The following RBFOX2 variants were observed in gnomAD, a reference collection of about 807,000 sequenced individuals.
RBFOX2 encodes the protein RNA binding fox-1 homolog 2.
A neutral mutation model predicts 49.1 loss-of-function variants in RBFOX2; 10 were observed. The observed-to-expected ratio is 0.20, with a 90% confidence interval of 0.13 to 0.35. RBFOX2 has a LOEUF of 0.35. RBFOX2 is among the 10% of genes least tolerant of loss of function. The pLI is 1.00. For synonymous variants in RBFOX2, 183 were observed against 187.4 expected (o/e 0.98, Z 0.19); for missense variants, 323 against 486.9 (o/e 0.66, Z 3.17).
At chr22:35,853,808 A>T (rs1278072179) in intron 1 of RBFOX2, among the ~76,000 whole-genome samples, 1 of 152,064 alleles carries the variant, frequency 6.6e-6, no homozygotes, top group East Asian at 1.9e-4. Flanking sequence ...TACACATTTA[A>T]ATTAGCATTA....
At chr22:35,823,664 A>G (rs1219236988) in intron 1 of RBFOX2, among the ~76,000 whole-genome samples, 1 of 152,234 alleles carries the variant, frequency 6.6e-6, no homozygotes, top group Non-Finnish European at 1.5e-5. Context: ...GAAACGTTAA[A>G]TAACTATTAA....
intron 1 of RBFOX2, among the ~76,000 whole-genome samples, chr22:35,950,109 A>ATTT (rs146393323): frequency 9.3e-6 from 1 of 107,990 alleles, no homozygotes; most frequent in African/African-American, 3.3e-5. Flanking sequence ...GTCCAACTTC[A>ATTT]TTTTTTTTTT....
chr22:35,777,015 AT>A lies in RBFOX2; in HGVS notation c.453+1009del, dbSNP rs757376652. The stretch of plus-strand genomic sequence containing the variant: ...TTTAAAATAGTAAATAGGGGAAATA[AT>A]TTTTTTTTTTTTTTTGAGACAGTCT... On this transcript the variant is annotated intron_variant, in intron 4 of 11. Transcript: ENST00000405409. Among the ~76,000 whole-genome samples, 568 of 143,638 alleles carry A rather than the reference AT, an allele frequency of 4.0e-3. 1 individual carries two copies. The highest frequency in any genetic ancestry group is 0.021 in the South Asian group (93 of 4,488). 94.2% of individuals were successfully genotyped at this position (143,638 alleles called of 152,430 possible).
chr22:35,756,651 A>G (rs909860516), intron 9 of RBFOX2, among the ~76,000 whole-genome samples: 2 of 152,144 alleles, frequency 1.3e-5, no homozygotes, highest in African/African-American at 4.8e-5. Context: ...ACGTTTAAGT[A>G]TTTTGTTTTC....
intron 1 of RBFOX2, among the ~76,000 whole-genome samples, chr22:35,958,974 T>C (rs2055899899): frequency 6.6e-6 from 1 of 151,922 alleles, no homozygotes; most frequent in Non-Finnish European, 1.5e-5. Context: ...TATATATATA[T>C]ATTGTGTAAA....
chr22:36,025,081 T>C (rs1285758015), intron 1 of RBFOX2, among the ~76,000 whole-genome samples: 1 of 152,226 alleles, frequency 6.6e-6, no homozygotes, highest in Non-Finnish European at 1.5e-5. Context: ...GTGCTGGGAT[T>C]ACAGGCGTGA....
upstream of RBFOX2, among the ~76,000 whole-genome samples, chr22:35,942,922 T>TA (rs1280337495): frequency 6.6e-6 from 1 of 152,216 alleles, no homozygotes; most frequent in Non-Finnish European, 1.5e-5. Flanking sequence ...TACTGCTTTA[T>TA]AACTTATAAA....
At chr22:36,025,404 T>A (rs2059394805) in intron 1 of RBFOX2, among the ~76,000 whole-genome samples, 1 of 152,186 alleles carries the variant, frequency 6.6e-6, no homozygotes, top group South Asian at 2.1e-4. Flanking sequence ...TCCCTTTCCC[T>A]GCTTTTTCTT....
At position 35,961,634 on chromosome 22, in the gene RBFOX2, C is replaced by T. The variant is rs375914767; in HGVS notation, c.-30G>A. The T allele has an allele frequency of 1.2e-4, 157 of 1,304,158 alleles. No individual in the cohort carries two copies. In the East Asian group the frequency reaches 7.0e-3, roughly 59 times the overall value. The allele number at this position is 1,304,158 out of a possible 1,614,324, so 80.8% of individuals were successfully genotyped here. A position where few individuals can be genotyped will look rare whatever the true frequency, so the allele number is the denominator to read the frequency against. ...CTCTCTTCCTTCCTGGAATTCTAAA[C>T]CCTGCTGCTCTCCCCTTGCACACAG... On this transcript the variant is annotated 5_prime_UTR_variant, in exon 1 of 6. Coordinates refer to the RBFOX2 transcript ENST00000408983.
intron 1 of RBFOX2, among the ~76,000 whole-genome samples, chr22:35,952,562 G>C (rs1170008268): frequency 6.6e-6 from 1 of 152,098 alleles, no homozygotes; most frequent in Non-Finnish European, 1.5e-5. Context: ...ATTTCCCTGA[G>C]CTAAATTTCA....
intron 1 of RBFOX2, among the ~76,000 whole-genome samples, chr22:35,834,091 A>G (rs1311133951): frequency 6.6e-6 from 1 of 152,218 alleles, no homozygotes; most frequent in East Asian, 1.9e-4. Flanking sequence ...TTCAACAAAT[A>G]TTTACTGAAT....
At chr22:35,837,217 G>T (rs1043238266) in intron 1 of RBFOX2, among the ~76,000 whole-genome samples, 2 of 152,088 alleles carry the variant, frequency 1.3e-5, no homozygotes, top group Admixed American at 6.6e-5. Context: ...TACTGACAAG[G>T]ATCTAATATG....
chr22:35,875,892 A>AAAAT (rs751800323), intron 1 of RBFOX2, among the ~76,000 whole-genome samples: 1 of 152,330 alleles, frequency 6.6e-6, no homozygotes, highest in South Asian at 2.1e-4. Flanking sequence ...AAATAGTAAA[A>AAAAT]AAATAAATAA....
intron 1 of RBFOX2, among the ~76,000 whole-genome samples, chr22:35,851,780 G>A (rs1357811083): frequency 2.7e-5 from 4 of 150,230 alleles, no homozygotes; most frequent in Non-Finnish European, 4.4e-5. Flanking sequence ...CACCGCAGCC[G>A]AGATCCCGCC....
intron 1 of RBFOX2, among the ~76,000 whole-genome samples, chr22:36,018,944 TAGC>T (rs1023529441): frequency 6.6e-6 from 1 of 152,086 alleles, no homozygotes; most frequent in African/African-American, 2.4e-5. Context: ...ATCACTGTGT[TAGC>T]AGTCTGGAGA....
chr22:36,005,686 A>T (rs954793687), intron 1 of RBFOX2, among the ~76,000 whole-genome samples: 5 of 152,126 alleles, frequency 3.3e-5, no homozygotes, highest in African/African-American at 1.2e-4. Context: ...CACTGAAAAA[A>T]TCTCTAGGTC....
At chr22:35,752,715 T>C (rs1302518159) in intron 9 of RBFOX2, 3 of 899,156 alleles carry the variant, frequency 3.3e-6, no homozygotes, top group African/African-American at 1.8e-5. Context: ...AAAACAATCA[T>C]ACAAAAAGCC....
At chr22:36,014,313 G>A (rs188781539) in intron 1 of RBFOX2, among the ~76,000 whole-genome samples, 20 of 151,968 alleles carry the variant, frequency 1.3e-4, no homozygotes, top group Middle Eastern at 3.4e-3. Flanking sequence ...TAGTAGAGAC[G>A]GGGTTTCACC....
At chr22:35,843,911 A>G (rs1351388078), upstream of RBFOX2, among the ~76,000 whole-genome samples, 3 of 152,330 alleles carry the variant, frequency 2.0e-5, no homozygotes, top group African/African-American at 4.8e-5. Context: ...AGAAGTTAAC[A>G]TTGCTGACCA....
Sources: gnomAD v4.1 joint callset for allele counts (sites outside exome capture counted in the v4.1 genomes callset) on GRCh38, gnomAD v4.1.1 for gene constraint, MANE v1.5 for transcripts, NCBI Gene and HGNC (gene_info 2026-07-23, HGNC 2026-07-21) for gene names.